Variants in FOXP2 observed in about 807,000 individuals in gnomAD.
FOXP2 encodes forkhead box protein P2.
In FOXP2, 12 loss-of-function variants were observed where a neutral mutation model predicts 115.8. The ratio of observed to expected loss-of-function variants is 0.10; its 90% CI spans 0.07 to 0.17. The LOEUF (loss-of-function observed/expected upper bound fraction) is 0.17, where lower values mean the gene tolerates loss of function less well. FOXP2 is among the 10% of genes least tolerant of loss of function. The pLI is 1.00. For synonymous variants in FOXP2, 328 were observed against 297.7 expected (o/e 1.10, Z -1.05); for missense variants, 629 against 843.5 (o/e 0.75, Z 3.15).
intron 1 of FOXP2, among the ~76,000 whole-genome samples, chr7:114,197,336 G>A (rs1394923457): frequency 2.6e-5 from 4 of 152,162 alleles, no homozygotes; most frequent in African/African-American, 9.7e-5. Flanking sequence ...ACAGTTCTAC[G>A]GGCTGGAAGG....
chr7:114,659,218 C>G (rs1433773784), intron 11 of FOXP2, 138 bp from the exon 12 acceptor site: 1 of 686,390 alleles, frequency 1.5e-6, no homozygotes, highest in African/African-American at 1.8e-5. Flanking sequence ...AATTCAATTC[C>G]ACTGTCATGC....
intron 3 of FOXP2, among the ~76,000 whole-genome samples, chr7:114,621,458 T>A (rs1249343650): frequency 6.6e-6 from 1 of 152,074 alleles, no homozygotes; most frequent in Non-Finnish European, 1.5e-5. Context: ...TGAACTAATC[T>A]TGGATCTGTA....
chr7:114,613,244 C>T (rs143462257), intron 3 of FOXP2, among the ~76,000 whole-genome samples: 2 of 152,242 alleles, frequency 1.3e-5, no homozygotes, highest in East Asian at 3.9e-4. Flanking sequence ...TTTTTATACC[C>T]TTGTCCCATA....
At chr7:114,362,404 GA>G (rs909341771) in intron 2 of FOXP2, among the ~76,000 whole-genome samples, 10 of 151,206 alleles carry the variant, frequency 6.6e-5, no homozygotes, top group African/African-American at 1.9e-4. Context: ...ACAGTTGGTA[GA>G]AAAAAAACAA....
At chr7:114,429,059 G>A (rs17311630) in intron 2 of FOXP2, among the ~76,000 whole-genome samples, 2,252 of 151,464 alleles carry the variant, frequency 0.015, 25 homozygotes, top group Non-Finnish European at 0.026. Context: ...TGGCAAAAAT[G>A]GTCTGTTTTG....
chr7:114,236,284 G>GA (rs1341093195), intron 1 of FOXP2, among the ~76,000 whole-genome samples: 3 of 152,136 alleles, frequency 2.0e-5, no homozygotes, highest in Admixed American at 2.0e-4. Flanking sequence ...GTTTCTGTAG[G>GA]ATGGAAAAAA....
rs77941157 is a variant in FOXP2 at position 114,635,299 on chromosome 7, C to A, written c.775+3594C>A. Among the ~76,000 whole-genome samples, 1,252 of 152,210 alleles carry A rather than the reference C, an allele frequency of 8.2e-3. 43 individuals carry two copies. In the East Asian group the frequency reaches 0.093, roughly 11 times the overall value. ...CTGGATTTACTGCTTAATCAATGATCTTGTGATTGCATAGATTACTATTGT... is the reference window on the plus strand; with the variant it reads ...CTGGATTTACTGCTTAATCAATGATATTGTGATTGCATAGATTACTATTGT... On this transcript the variant is annotated intron_variant, in intron 6 of 16. Coordinates refer to ENST00000350908, the MANE Select transcript of FOXP2 (RefSeq NM_014491.4).
At position 114,547,949 on chromosome 7, in the gene FOXP2, T is replaced by A. The variant is rs973730378; in HGVS notation, c.258+13243T>A. ...TAAATTTACTATGAAGTTTATTAGC[T>A]ACTCTGTTTAGGATTATAGATTTTA... On this transcript the variant is annotated intron_variant, in intron 3 of 16. Transcript: ENST00000350908. Among the ~76,000 whole-genome samples, 4 of 152,218 alleles carry A rather than the reference T, an allele frequency of 2.6e-5. No homozygotes were observed. In the East Asian group the frequency reaches 7.7e-4, roughly 29 times the overall value.
intron 1 of FOXP2, among the ~76,000 whole-genome samples, chr7:114,151,775 A>G (rs1055953180): frequency 1.3e-5 from 2 of 152,146 alleles, no homozygotes; most frequent in African/African-American, 4.8e-5. Context: ...CAAGCAAGTT[A>G]GACCATAGAA....
At chr7:114,115,276 A>G (rs561248875) in intron 1 of FOXP2, among the ~76,000 whole-genome samples, 2 of 152,254 alleles carry the variant, frequency 1.3e-5, no homozygotes, top group African/African-American at 4.8e-5. Flanking sequence ...TATTTGTTGA[A>G]TGAATTAATG....
chr7:114,520,952 G>A (rs1372842917), intron 2 of FOXP2, among the ~76,000 whole-genome samples: 1 of 151,998 alleles, frequency 6.6e-6, no homozygotes, highest in Non-Finnish European at 1.5e-5. Flanking sequence ...TGTCTTATAA[G>A]GAAGTTCATT....
At chr7:114,455,072 A>C (rs1795249495) in intron 2 of FOXP2, among the ~76,000 whole-genome samples, 1 of 151,788 alleles carries the variant, frequency 6.6e-6, no homozygotes, top group Non-Finnish European at 1.5e-5. Flanking sequence ...CTTTTTTGCC[A>C]GCTATTCTTC....
chr7:114,520,866 G>C (rs1182144384), intron 2 of FOXP2, among the ~76,000 whole-genome samples: 1 of 152,098 alleles, frequency 6.6e-6, no homozygotes, highest in Non-Finnish European at 1.5e-5. Context: ...AAGGCATTAT[G>C]ATAATGTGTA....
chr7:114,299,339 C>A (rs1164545407), intron 2 of FOXP2, among the ~76,000 whole-genome samples: 2 of 151,998 alleles, frequency 1.3e-5, no homozygotes, highest in Non-Finnish European at 2.9e-5. Context: ...TCTTTGCTAA[C>A]AGAACCCTGA....
At chr7:114,328,906 C>G (rs932522350) in intron 2 of FOXP2, among the ~76,000 whole-genome samples, 1 of 152,122 alleles carries the variant, frequency 6.6e-6, no homozygotes, top group Non-Finnish European at 1.5e-5. Flanking sequence ...TGGATTCATT[C>G]AGTGAATGTG....
At position 114,490,568 on chromosome 7, in the gene FOXP2, A is replaced by G. The variant is rs530058911; in HGVS notation, c.169-44049A>G. On this transcript the variant is annotated intron_variant, in intron 2 of 16. Coordinates refer to ENST00000350908, the MANE Select transcript of FOXP2 (RefSeq NM_014491.4). ...TGTGCACAATGTGCAGGTTTGTTACATATGTATACATGTGCCATGTTGGTG... is the reference window on the plus strand; with the variant it reads ...TGTGCACAATGTGCAGGTTTGTTACGTATGTATACATGTGCCATGTTGGTG... 5.3e-5 allele frequency among the ~76,000 whole-genome samples: 8 copies of G among 152,002 alleles called. No homozygotes were observed. The East Asian group carries it at 1.5e-3, about 29-fold the overall frequency.
chr7:114,157,123 C>T (rs1227521483), intron 1 of FOXP2, among the ~76,000 whole-genome samples: 2 of 152,084 alleles, frequency 1.3e-5, no homozygotes, highest in African/African-American at 4.8e-5. Context: ...CTCTATCTTC[C>T]ATACCATTCC....
intron 1 of FOXP2, among the ~76,000 whole-genome samples, chr7:114,248,078 A>G (rs897201127): frequency 1.3e-5 from 2 of 152,010 alleles, no homozygotes; most frequent in African/African-American, 4.8e-5. Context: ...TAATATGAGG[A>G]CCTGAGAACG....
chr7:114,110,176 C>T, intron 1 of FOXP2, among the ~76,000 whole-genome samples: 1 of 152,076 alleles, frequency 6.6e-6, no homozygotes, highest in East Asian at 1.9e-4. Context: ...TAGCCCTAGT[C>T]GTAGTTCTAA....
Sources: gnomAD v4.1 joint callset for allele counts (sites outside exome capture counted in the v4.1 genomes callset) on GRCh38, gnomAD v4.1.1 for gene constraint, MANE v1.5 for transcripts, NCBI Gene and HGNC (gene_info 2026-07-23, HGNC 2026-07-21) for gene names.